Variants in MEMO1 observed in about 807,000 individuals in gnomAD.
The protein encoded by MEMO1 is mediator of cell motility 1.
A neutral mutation model predicts 45.2 loss-of-function variants in MEMO1; 6 were observed. The observed-to-expected ratio is 0.13, with a 90% confidence interval of 0.07 to 0.26. The LOEUF is 0.26. MEMO1 is among the 10% of genes least tolerant of loss of function. The pLI is 1.00. For missense variants in MEMO1, 184 were observed against 370.5 expected (o/e 0.50, Z 4.13); for synonymous variants, 78 against 124.3 (o/e 0.63, Z 2.48).
intron 2 of MEMO1, among the ~76,000 whole-genome samples, chr2:31,984,800 C>T (rs774773352): frequency 6.6e-6 from 1 of 151,722 alleles, no homozygotes; most frequent in African/African-American, 2.4e-5. Context: ...AGCGAGACTC[C>T]GTCTCAAACC....
intron 2 of MEMO1, among the ~76,000 whole-genome samples, chr2:32,009,619 C>CG (rs760554374): frequency 1.4e-4 from 22 of 152,128 alleles, no homozygotes; most frequent in Non-Finnish European, 2.4e-4. Context: ...GCTGCGGGCG[C>CG]GGGGGCTCGG....
At chr2:31,878,642 T>G (rs1674918043) in intron 8 of MEMO1, among the ~76,000 whole-genome samples, 1 of 152,128 alleles carries the variant, frequency 6.6e-6, no homozygotes, top group African/African-American at 2.4e-5. Flanking sequence ...CTGGCAGGAG[T>G]TCTTTTATAT....
intron 2 of MEMO1, among the ~76,000 whole-genome samples, chr2:31,968,269 G>T (rs1668869417): frequency 6.6e-6 from 1 of 152,162 alleles, no homozygotes; most frequent in Non-Finnish European, 1.5e-5. Context: ...TGCTTTGTAG[G>T]GGAAATACGG....
At chr2:31,888,308 C>T (rs979988898) in intron 7 of MEMO1, among the ~76,000 whole-genome samples, 1 of 152,052 alleles carries the variant, frequency 6.6e-6, no homozygotes, top group African/African-American at 2.4e-5. Flanking sequence ...GTTCATAACT[C>T]CACTTTTGAA....
intron 2 of MEMO1, among the ~76,000 whole-genome samples, chr2:31,948,960 AG>A (rs1193629447): frequency 6.6e-6 from 1 of 152,240 alleles, no homozygotes; most frequent in East Asian, 1.9e-4. Flanking sequence ...AAATCTTAAT[AG>A]ACATTTCTCA....
chr2:31,869,745 C>A, intron 9 of MEMO1, 103 bp downstream of exon 9: 3 of 1,258,536 alleles, frequency 2.4e-6, no homozygotes, highest in Non-Finnish European at 3.2e-6. Flanking sequence ...AGAAACTTGA[C>A]CATAGGTACA....
intron 2 of MEMO1, among the ~76,000 whole-genome samples, chr2:32,003,006 A>T (rs908751318): frequency 2.0e-5 from 3 of 152,250 alleles, no homozygotes; most frequent in Non-Finnish European, 4.4e-5. Flanking sequence ...GTAACATAAA[A>T]TAATTCACTT....
intron 4 of MEMO1, among the ~76,000 whole-genome samples, chr2:31,929,815 T>C (rs1319240609): frequency 6.6e-6 from 1 of 152,234 alleles, no homozygotes; most frequent in Non-Finnish European, 1.5e-5. Context: ...ATGTTCTTCC[T>C]CTACTTTCTC....
intron 8 of MEMO1, among the ~76,000 whole-genome samples, chr2:31,880,100 G>A (rs1014517990): frequency 1.4e-4 from 21 of 152,090 alleles, no homozygotes; most frequent in Admixed American, 4.6e-4. Context: ...ATTAAGTCAC[G>A]GACTATGTTT....
chr2:31,963,793 A>C (rs996734719), intron 2 of MEMO1, among the ~76,000 whole-genome samples: 1 of 152,192 alleles, frequency 6.6e-6, no homozygotes, highest in African/African-American at 2.4e-5. Flanking sequence ...TCAGTTCTCT[A>C]AATCTGTGCT....
chr2:31,992,005 C>T (rs926968786), intron 2 of MEMO1, among the ~76,000 whole-genome samples: 10 of 152,186 alleles, frequency 6.6e-5, no homozygotes, highest in African/African-American at 2.4e-5. Context: ...GCTCAACCTT[C>T]GCTTGCATCT....
At chr2:31,924,267 TTTTC>T (rs1682758832) in intron 4 of MEMO1, among the ~76,000 whole-genome samples, 2 of 152,148 alleles carry the variant, frequency 1.3e-5, no homozygotes, top group South Asian at 4.1e-4. Context: ...AGTTCATGCA[TTTTC>T]TTTGTTAGAA....
chr2:31,942,586 A>T (rs1314568686), intron 3 of MEMO1, among the ~76,000 whole-genome samples: 1 of 151,518 alleles, frequency 6.6e-6, no homozygotes. Flanking sequence ...GCTCACTACA[A>T]CCTCCACCTC....
At chr2:31,992,372 T>G (rs149785087) in intron 2 of MEMO1, among the ~76,000 whole-genome samples, 4 of 152,260 alleles carry the variant, frequency 2.6e-5, no homozygotes, top group Admixed American at 2.0e-4. Flanking sequence ...GCCTAAAATA[T>G]TCACTATCTG....
At chr2:31,999,611 A>T (rs780199836) in intron 2 of MEMO1, among the ~76,000 whole-genome samples, 23 of 152,256 alleles carry the variant, frequency 1.5e-4, no homozygotes, top group Admixed American at 5.2e-4. Flanking sequence ...TTAAGGTTTC[A>T]ATGAGCTATG....
intron 2 of MEMO1, among the ~76,000 whole-genome samples, chr2:31,947,271 C>T (rs1434391643): frequency 2.0e-5 from 3 of 152,202 alleles, no homozygotes; most frequent in East Asian, 1.9e-4. Context: ...CATATGGCTA[C>T]TTCTGTAAAA....
At chr2:31,945,297 T>C (rs984104020) in intron 2 of MEMO1, among the ~76,000 whole-genome samples, 4 of 152,218 alleles carry the variant, frequency 2.6e-5, no homozygotes, top group Non-Finnish European at 5.9e-5. Flanking sequence ...ACAAATACTT[T>C]AGTTGTTGCC....
chr2:31,974,582 T>C (rs1310188348), intron 2 of MEMO1, among the ~76,000 whole-genome samples: 1 of 151,984 alleles, frequency 6.6e-6, no homozygotes, highest in Non-Finnish European at 1.5e-5. Context: ...CTGTCTCTAC[T>C]AAAAACACAA....
chr2:31,870,033 C>T, intron 8 of MEMO1, 81 bp from the exon 9 acceptor site: 1 of 1,088,492 alleles, frequency 9.2e-7, no homozygotes, highest in Non-Finnish European at 1.2e-6. Flanking sequence ...TATTTTAAAA[C>T]TGTTACTTAA....
Sources: gnomAD v4.1 joint callset for allele counts (sites outside exome capture counted in the v4.1 genomes callset) on GRCh38, gnomAD v4.1.1 for gene constraint, MANE v1.5 for transcripts, NCBI Gene and HGNC (gene_info 2026-07-23, HGNC 2026-07-21) for gene names.